MRTFA: variants seen among roughly 807,000 people sequenced by gnomAD.
The protein encoded by MRTFA is myocardin-related transcription factor A.
MRTFA carries 20 observed loss-of-function variants against 83.5 expected under a neutral mutation model. The observed-to-expected ratio is 0.24, with a 90% confidence interval of 0.17 to 0.35. The LOEUF is 0.35. Ranked by LOEUF, MRTFA falls within the 10% of genes least tolerant of loss-of-function variation. The pLI is 1.00. For synonymous variants in MRTFA, 659 were observed against 541.2 expected, an observed-to-expected ratio of 1.22 and a Z score of -3.02; for missense variants, 1,200 against 1,224.7, an observed-to-expected ratio of 0.98 and a Z score of 0.30.
At chr22:40,618,425 A>C (rs1473049351) in intron 1 of MRTFA, among the ~76,000 whole-genome samples, 1 of 151,644 alleles carries the variant, frequency 6.6e-6, no homozygotes, top group Non-Finnish European at 1.5e-5. Flanking sequence ...TGATAAGGAG[A>C]CATCTGAGCA....
chr22:40,500,251 T>A (rs912541022), intron 3 of MRTFA, among the ~76,000 whole-genome samples: 6 of 151,192 alleles, frequency 4.0e-5, no homozygotes, highest in Non-Finnish European at 7.4e-5. Flanking sequence ...TTTTTTTTTT[T>A]ATGCTTCATT....
intron 2 of MRTFA, among the ~76,000 whole-genome samples, chr22:40,571,778 G>T (rs1274174558): frequency 6.6e-6 from 1 of 150,740 alleles, no homozygotes; most frequent in African/African-American, 2.4e-5. Context: ...AAAAAAAGCA[G>T]CCGGGCATGG....
intron 2 of MRTFA, among the ~76,000 whole-genome samples, chr22:40,563,706 G>T (rs1217149936): frequency 6.6e-6 from 1 of 152,122 alleles, no homozygotes; most frequent in Non-Finnish European, 1.5e-5. Flanking sequence ...TACATGCCAG[G>T]TGCTGTCTGG....
At chr22:40,575,296 G>A (rs2055852028) in intron 2 of MRTFA, among the ~76,000 whole-genome samples, 1 of 152,104 alleles carries the variant, frequency 6.6e-6, no homozygotes, top group South Asian at 2.1e-4. Context: ...CAAACGCTCA[G>A]TAAATATTTG....
chr22:40,432,153 G>A (rs925519727), intron 5 of MRTFA, among the ~76,000 whole-genome samples: 22 of 152,156 alleles, frequency 1.4e-4, no homozygotes, highest in Non-Finnish European at 2.8e-4. Context: ...GGCTGAAGCA[G>A]GAGAATCACT....
intron 2 of MRTFA, among the ~76,000 whole-genome samples, chr22:40,582,114 C>G (rs5750968): frequency 0.34 from 51,984 of 152,012 alleles, 9,251 homozygotes; most frequent in East Asian, 0.63. Context: ...AATCTACTTT[C>G]TGTCTCTACG....
At chr22:40,526,476 G>A (rs1274698630) in intron 3 of MRTFA, 1 of 152,192 alleles carries the variant, frequency 6.6e-6, no homozygotes, top group East Asian at 1.9e-4. Flanking sequence ...AACAAACAAA[G>A]CCAATATGGT....
chr22:40,436,950 G>A (rs2053182272), intron 4 of MRTFA, among the ~76,000 whole-genome samples: 1 of 152,124 alleles, frequency 6.6e-6, no homozygotes, highest in South Asian at 2.1e-4. Flanking sequence ...CCCCCAGCGG[G>A]GGGCTGGGCC....
chr22:40,610,174 G>A (rs1450515414), intron 1 of MRTFA, among the ~76,000 whole-genome samples: 1 of 151,402 alleles, frequency 6.6e-6, no homozygotes, highest in African/African-American at 2.4e-5. Flanking sequence ...AGCCTCCCGG[G>A]TAGCTGGGAC....
intron 4 of MRTFA, among the ~76,000 whole-genome samples, chr22:40,452,579 T>C (rs540415547): frequency 6.6e-6 from 1 of 152,062 alleles, no homozygotes; most frequent in East Asian, 1.9e-4. Context: ...TCCCAGCACT[T>C]TGGGGAGGTC....
Position 40,419,009 on chromosome 22 carries a change from C to G in MRTFA, c.1729G>C (p.Gly577Arg), listed in dbSNP as rs1310203959. 3.7e-6 allele frequency: 6 copies of G among 1,612,636 alleles called. No individual in the cohort carries two copies. The Admixed American group carries it at 6.7e-5, about 18-fold the overall frequency. ...GTCAGAGGTGATGTCACCATCTCACCAAAGGTGTCCCCGGGGGTGGAGTTT... is the reference window on the plus strand; with the variant it reads ...GTCAGAGGTGATGTCACCATCTCACGAAAGGTGTCCCCGGGGGTGGAGTTT... The change falls in exon 12 of 15, where the codon GGT becomes CGT. Residue 577 changes from glycine (G) to arginine (R), a missense_variant. This residue lies in a region of MRTFA where 1,107 missense variants were observed against 1,041.8 expected (regional missense o/e 1.06). Coordinates refer to ENST00000355630, the MANE Select transcript of MRTFA (RefSeq NM_020831.6).
rs1316748988 is a variant in MRTFA at position 40,417,432 on chromosome 22, G to T, written c.2426C>A (p.Pro809Gln). The T allele has an allele frequency of 6.2e-7, 1 of 1,607,372 alleles. No individual in the cohort carries two copies. Among genetic ancestry groups the T allele is most frequent in the South Asian group, 1.1e-5 (1 of 89,968 alleles). ...GGGGGTCCCAAAGAGGGGCTGCAGTGGGTGCTCCAGGTCCATCTGGGCAGA... is the reference window on the plus strand; with the variant it reads ...GGGGGTCCCAAAGAGGGGCTGCAGTTGGTGCTCCAGGTCCATCTGGGCAGA... The change falls in exon 13 of 15, where the codon CCA becomes CAA. Residue 809 changes from proline to glutamine, a missense_variant. Around this residue, in one of 2 missense-constraint regions of MRTFA, gnomAD observed 1,107 missense variants for 1,041.8 expected, o/e 1.06. Coordinates refer to ENST00000355630, the MANE Select transcript of MRTFA (RefSeq NM_020831.6).
chr22:40,443,154 A>C (rs2053310986), intron 4 of MRTFA, among the ~76,000 whole-genome samples: 1 of 152,150 alleles, frequency 6.6e-6, no homozygotes, highest in South Asian at 2.1e-4. Context: ...CAGGAGGCTG[A>C]GGCAGGAGAA....
intron 3 of MRTFA, among the ~76,000 whole-genome samples, chr22:40,546,413 G>A (rs1025717398): frequency 2.0e-5 from 3 of 152,242 alleles, no homozygotes; most frequent in African/African-American, 7.2e-5. Context: ...CCGGAAAAAG[G>A]TAAGTCGTAG....
At chr22:40,525,663 T>C (rs2054957104) in intron 3 of MRTFA, among the ~76,000 whole-genome samples, 1 of 152,134 alleles carries the variant, frequency 6.6e-6, no homozygotes, top group South Asian at 2.1e-4. Flanking sequence ...AGACCACACT[T>C]TGAAAACAAT....
intron 3 of MRTFA, among the ~76,000 whole-genome samples, chr22:40,503,769 A>G (rs2054535988): frequency 6.6e-6 from 1 of 152,168 alleles, no homozygotes; most frequent in South Asian, 2.1e-4. Context: ...TCTACTAAAA[A>G]TACTTAGCCA....
chr22:40,607,503 CAA>C (rs369102921), intron 1 of MRTFA, among the ~76,000 whole-genome samples: 16 of 102,026 alleles, frequency 1.6e-4, no homozygotes, highest in Admixed American at 4.2e-4. Flanking sequence ...GACTCCGTCT[CAA>C]AAAAAAAAAA....
chr22:40,549,031 A>G (rs762923166), intron 3 of MRTFA, among the ~76,000 whole-genome samples: 2 of 152,186 alleles, frequency 1.3e-5, no homozygotes, highest in Non-Finnish European at 2.9e-5. Context: ...GGAAGACTCA[A>G]TATTTAAAAA....
chr22:40,565,368 G>C (rs1334073456), intron 2 of MRTFA, among the ~76,000 whole-genome samples: 1 of 152,146 alleles, frequency 6.6e-6, no homozygotes, highest in African/African-American at 2.4e-5. Context: ...CCAATACAGT[G>C]AAACTCCGTC....
Sources: allele counts gnomAD v4.1 joint callset (sites outside exome capture counted in the v4.1 genomes callset), GRCh38; gene constraint gnomAD v4.1.1; regional missense constraint gnomAD v4.1.1; transcripts MANE v1.5; gene names NCBI Gene and HGNC (gene_info 2026-07-23, HGNC 2026-07-21).